PIEZO2: variants seen among roughly 807,000 people sequenced by gnomAD.
The protein encoded by PIEZO2 is piezo-type mechanosensitive ion channel component 2.
In PIEZO2, 172 loss-of-function variants were observed where a neutral mutation model predicts 337.3. The observed-to-expected ratio is 0.51, with a 90% CI of 0.45 to 0.58. The LOEUF (loss-of-function observed/expected upper bound fraction) is 0.58. PIEZO2 is among the 20% of genes least tolerant of loss of function. The pLI is 0.00. For synonymous variants in PIEZO2, 1,251 were observed against 1,228.5 expected, an observed-to-expected ratio of 1.02 and a Z score of -0.38; for missense variants, 3,028 against 3,391.3, an observed-to-expected ratio of 0.89 and a Z score of 2.66.
chr18:10,970,887 G>A (rs189932298), intron 3 of PIEZO2, among the ~76,000 whole-genome samples: 2 of 152,318 alleles, frequency 1.3e-5, no homozygotes, highest in East Asian at 3.9e-4. Context: ...AAAGATGGGA[G>A]CATATCTGCT....
intron 2 of PIEZO2, among the ~76,000 whole-genome samples, chr18:11,044,739 G>A (rs1035008609): frequency 2.0e-5 from 3 of 152,118 alleles, no homozygotes; most frequent in Non-Finnish European, 2.9e-5. Flanking sequence ...TAGAATTAGC[G>A]AACACTGAAC....
chr18:11,068,781 C>T (rs4797497), intron 1 of PIEZO2, among the ~76,000 whole-genome samples: 104,993 of 151,874 alleles, frequency 0.69, 36,771 homozygotes, highest in East Asian at 0.97. Flanking sequence ...CCACAAACCT[C>T]AGACTCAGAA....
chr18:10,719,086 T>C (rs1454896245), intron 36 of PIEZO2, among the ~76,000 whole-genome samples: 1 of 152,134 alleles, frequency 6.6e-6, no homozygotes, highest in African/African-American at 2.4e-5. Context: ...TTATAGGATT[T>C]CATTTCATTT....
In PIEZO2 at chr18:10,702,052, T is replaced by C; in HGVS notation, c.6378A>G (p.Glu2126=). 1 of 1,536,958 alleles carries C rather than the reference T, an allele frequency of 6.5e-7. No individual in the cohort carries two copies. The highest frequency in any genetic ancestry group is 8.7e-7 in the Non-Finnish European group (1 of 1,146,790). ...GGATGAGGTCATAGAGAACATAACC[T>C]TCCTTCTTTTCCACTCCTATGATGT... ...PPNIIGVEKK[E]GYVLYDLIQL... Residue 2126 remains glutamate (E), a synonymous_variant, in exon 43 of 56, where the codon GAA becomes GAG. Coordinates refer to ENST00000674853, the MANE Select transcript of PIEZO2 (RefSeq NM_001378183.1).
chr18:10,704,487 C>T lies in PIEZO2; in HGVS notation c.6165G>A (p.Thr2055=), dbSNP rs890957793. 3.6e-5 allele frequency: 55 copies of T among 1,537,052 alleles called. No homozygotes were observed. The highest frequency in any genetic ancestry group is 4.6e-5 in the Non-Finnish European group (53 of 1,146,904). ...LNHMVSASMI[T]LLLPILIFLW... ...GGAAGATGAGGATGGGAAGCAGGAG[C>T]GTGATCATGGAGGCAGAGACCATGT... is the stretch of plus-strand genomic sequence containing the variant. Residue 2055 remains threonine, a synonymous_variant, in exon 42 of 56, where the codon ACG becomes ACA. Coordinates refer to ENST00000674853, the MANE Select transcript of PIEZO2 (RefSeq NM_001378183.1).
At chr18:11,034,082 C>T (rs1188734523) in intron 2 of PIEZO2, among the ~76,000 whole-genome samples, 1 of 152,044 alleles carries the variant, frequency 6.6e-6, no homozygotes, top group Non-Finnish European at 1.5e-5. Flanking sequence ...GCTGTGTGTG[C>T]GAATTCCCAA....
At chr18:11,058,813 C>T (rs1191108057) in intron 2 of PIEZO2, among the ~76,000 whole-genome samples, 2 of 152,126 alleles carry the variant, frequency 1.3e-5, no homozygotes, top group Non-Finnish European at 2.9e-5. Flanking sequence ...GAGAATGGAA[C>T]CAAGTTGGAA....
At chr18:10,995,577 A>T (rs2035290729) in intron 2 of PIEZO2, among the ~76,000 whole-genome samples, 1 of 152,218 alleles carries the variant, frequency 6.6e-6, no homozygotes, top group Non-Finnish European at 1.5e-5. Flanking sequence ...AAATATTGAG[A>T]TACCAGAAGT....
Position 10,856,273 on chromosome 18 carries a change from T to G in PIEZO2, c.704-707A>C, listed in dbSNP as rs561642665. 6.6e-6 allele frequency among the ~76,000 whole-genome samples: 1 copy of G among 152,314 alleles called. No individual in the cohort carries two copies. Among genetic ancestry groups the G allele is most frequent in the East Asian group, 1.9e-4 (1 of 5,188 alleles). On this transcript the variant is annotated intron_variant, in intron 6 of 55. Transcript: ENST00000674853. The surrounding 1 kb of genome is among the most constrained non-coding windows in gnomAD (Gnocchi z 4.7). ...CTTAGGGCAAAAGGAGTCTGTTTTA[T>G]TGGGCATTTTGAAAGGACTCCTCAT...
rs909545751 is a variant in PIEZO2, at chr18:10,750,645, G to C, written c.4168-458C>G. 6.6e-6 allele frequency among the ~76,000 whole-genome samples: 1 copy of C among 152,164 alleles called. No homozygotes were observed. Among genetic ancestry groups the C allele is most frequent in the African/African-American group, 2.4e-5 (1 of 41,432 alleles). Reference sequence around the variant, plus strand: ...TAGAACAAAACAGAGTATGTGTTTTGAGTCTTGTTTGACCAATTCTCTCGG... The same window carrying C: ...TAGAACAAAACAGAGTATGTGTTTTCAGTCTTGTTTGACCAATTCTCTCGG... On this transcript the variant is annotated intron_variant, in intron 28 of 55. Transcript: ENST00000674853. The surrounding 1 kb of genome is among the most constrained non-coding windows in gnomAD (Gnocchi z 4.1).
At chr18:10,941,415 G>A (rs1055265841) in intron 3 of PIEZO2, among the ~76,000 whole-genome samples, 2 of 152,140 alleles carry the variant, frequency 1.3e-5, no homozygotes, top group African/African-American at 4.8e-5. Context: ...GGACCCTAAA[G>A]GGTTGCTTGT....
At position 11,080,859 on chromosome 18, in the gene PIEZO2, C is replaced by T. The variant is rs142541425; in HGVS notation, c.65-14637G>A. The stretch of plus-strand genomic sequence containing the variant: ...CTCTGTCAATAAATAAATAAACAAA[C>T]ACATAAATAAATAAATAAAGCAGAG... On this transcript the variant is annotated intron_variant, in intron 1 of 55. Coordinates refer to ENST00000674853, the MANE Select transcript of PIEZO2 (RefSeq NM_001378183.1). This position sits in a 1 kb window ranked among gnomAD's most constrained non-coding sequence, Gnocchi z 5.4. Among the ~76,000 whole-genome samples the T allele has an allele frequency of 8.2e-4, 124 of 152,066 alleles. 1 individual carries two copies. Among genetic ancestry groups the T allele is most frequent in the African/African-American group, 2.7e-3 (114 of 41,502 alleles).
rs1024243807 is a variant in PIEZO2, at chr18:10,670,507, A to G, written c.*1020T>C. On this transcript the variant is annotated 3_prime_UTR_variant, in exon 56 of 56. Coordinates refer to ENST00000674853, the MANE Select transcript of PIEZO2 (RefSeq NM_001378183.1). Reference sequence around the variant, plus strand: ...ATACATATTTCTTTCATAATTATGAACTTAAAAAACCCGTCTCAGATGTAA... The same window carrying G: ...ATACATATTTCTTTCATAATTATGAGCTTAAAAAACCCGTCTCAGATGTAA... 1 of 152,234 alleles carries G rather than the reference A, an allele frequency of 6.6e-6. No individual in the cohort carries two copies. The highest frequency in any genetic ancestry group is 2.4e-5 in the African/African-American group (1 of 41,462). 9.4% of individuals were successfully genotyped at this position (152,234 alleles called of 1,614,324 possible). A position where few individuals can be genotyped will look rare whatever the true frequency, so the allele number is the denominator to read the frequency against.
intron 3 of PIEZO2, among the ~76,000 whole-genome samples, chr18:10,938,958 G>T (rs891520237): frequency 1.3e-5 from 2 of 151,890 alleles, no homozygotes; most frequent in African/African-American, 4.8e-5. Context: ...GTGGTGGCAG[G>T]CACCTGTAGT....
Position 11,124,507 on chromosome 18 carries a change from G to A in PIEZO2, c.64+24018C>T, listed in dbSNP as rs559431396. On this transcript the variant is annotated intron_variant, in intron 1 of 55. Transcript: ENST00000674853. Reference sequence around the variant, plus strand: ...TGCACAAATCTCCTCTAGAAGATACGTGCCGAATGGTCAGCACCTTAAACC... The same window carrying A: ...TGCACAAATCTCCTCTAGAAGATACATGCCGAATGGTCAGCACCTTAAACC... Among the ~76,000 whole-genome samples, 17 of 152,256 alleles carry A rather than the reference G, an allele frequency of 1.1e-4. No homozygotes were observed. The East Asian group carries it at 2.3e-3, about 21-fold the overall frequency.
chr18:11,039,858 T>C (rs7235388), intron 2 of PIEZO2, among the ~76,000 whole-genome samples: 70,676 of 151,786 alleles, frequency 0.47, 17,588 homozygotes, highest in African/African-American at 0.65. Flanking sequence ...TTAAGATCCC[T>C]TCAAGGATTT....
intron 3 of PIEZO2, among the ~76,000 whole-genome samples, chr18:10,930,938 G>A (rs888722462): frequency 6.6e-6 from 1 of 152,112 alleles, no homozygotes. Flanking sequence ...GGCTGTCCTT[G>A]GTTTTTCTAA....
Position 10,945,086 on chromosome 18 carries a change from A to G in PIEZO2, c.287-33858T>C, listed in dbSNP as rs182974757. ...ATTAGAGAATAGATTGCAGCACAGAAGAAGGGCCCCGGAGATCTGTGAATT... is the reference window on the plus strand; with the variant it reads ...ATTAGAGAATAGATTGCAGCACAGAGGAAGGGCCCCGGAGATCTGTGAATT... On this transcript the variant is annotated intron_variant, in intron 3 of 55. Transcript: ENST00000674853. This position sits in a 1 kb window ranked among gnomAD's most constrained non-coding sequence, Gnocchi z 4.0. Among the ~76,000 whole-genome samples the G allele has an allele frequency of 2.6e-3, 390 of 152,332 alleles. 5 individuals carry two copies. Among genetic ancestry groups the G allele is most frequent in the African/African-American group, 9.2e-3 (384 of 41,582 alleles).
chr18:10,926,995 A>C (rs992204594), intron 3 of PIEZO2, among the ~76,000 whole-genome samples: 2 of 152,232 alleles, frequency 1.3e-5, no homozygotes, highest in Admixed American at 6.5e-5. Flanking sequence ...TGAAAGAAAG[A>C]ATACAAATGT....
Sources: gnomAD v4.1 joint callset for allele counts (sites outside exome capture counted in the v4.1 genomes callset) on GRCh38, gnomAD v4.1.1 for gene constraint, Gnocchi (gnomAD v3.1) non-coding constraint, MANE v1.5 for transcripts, NCBI Gene and HGNC (gene_info 2026-07-23, HGNC 2026-07-21) for gene names.